DOCK8: variants seen among roughly 807,000 people sequenced by gnomAD.
The protein encoded by DOCK8 is dedicator of cytokinesis protein 8.
DOCK8 carries 141 observed loss-of-function variants against 245.6 expected under a neutral mutation model. The ratio of observed to expected loss-of-function variants is 0.57; its 90% CI spans 0.50 to 0.66. The LOEUF is 0.66. Among genes scored for constraint, DOCK8 ranks in the 30% least tolerant of loss-of-function variants. DOCK8 has a pLI of 0.00. For synonymous variants in DOCK8, 1,168 were observed against 970.2 expected (o/e 1.20, Z -3.79); for missense variants, 2,965 against 2,603.4 (o/e 1.14, Z -3.02).
intron 7 of DOCK8, among the ~76,000 whole-genome samples, chr9:323,432 A>G (rs1307450622): frequency 6.6e-6 from 1 of 151,992 alleles, no homozygotes; most frequent in African/African-American, 2.4e-5. Context: ...CGTGTTGGCC[A>G]GGCTGGTCTT....
At chr9:381,577 G>T (rs2053721833) in intron 21 of DOCK8, among the ~76,000 whole-genome samples, 1 of 152,162 alleles carries the variant, frequency 6.6e-6, no homozygotes, top group African/African-American at 2.4e-5. Flanking sequence ...TCACAAAATT[G>T]CAGGCCCAAA....
chr9:432,328 C>CATGT lies in DOCK8; in HGVS notation c.4785+5_4785+6insTGTA. Reference sequence around the variant, plus strand: ...GATGACTCCTTTTCCCACCCAGGTACACCGAAGCACATACCTTGTCTCATG... The same window carrying CATGT: ...GATGACTCCTTTTCCCACCCAGGTACATGTACCGAAGCACATACCTTGTCTCATG... On this transcript the variant is annotated splice_donor_region_variant and intron_variant, in intron 37 of 47. Coordinates refer to ENST00000432829, the MANE Select transcript of DOCK8 (RefSeq NM_203447.4). 6.2e-7 allele frequency: 1 copy of CATGT among 1,614,044 alleles called. No individual in the cohort carries two copies. The highest frequency in any genetic ancestry group is 1.1e-5 in the South Asian group (1 of 91,082).
intron 2 of DOCK8, among the ~76,000 whole-genome samples, chr9:273,957 A>G (rs764547672): frequency 1.2e-4 from 19 of 152,078 alleles, no homozygotes; most frequent in Non-Finnish European, 2.5e-4. Flanking sequence ...CCGCCCGCCT[A>G]GGCCTCCCAA....
intron 1 of DOCK8, among the ~76,000 whole-genome samples, chr9:258,497 T>C (rs1482680525): frequency 6.6e-6 from 1 of 151,890 alleles, no homozygotes; most frequent in Non-Finnish European, 1.5e-5. Context: ...AGGGAGTGGG[T>C]GCAAGAGCTC....
chr9:398,814 C>G (rs1233196027), intron 25 of DOCK8, among the ~76,000 whole-genome samples: 1 of 129,470 alleles, frequency 7.7e-6, no homozygotes, highest in African/African-American at 2.9e-5. Flanking sequence ...AAAATAGTTA[C>G]AAAAAAAAAA....
At chr9:281,386 C>G (rs1311616458) in intron 2 of DOCK8, among the ~76,000 whole-genome samples, 1 of 152,106 alleles carries the variant, frequency 6.6e-6, no homozygotes, top group Non-Finnish European at 1.5e-5. Context: ...TTAAACTAGT[C>G]TTTGGTCTCC....
intron 18 of DOCK8, 46 bp downstream of exon 18, chr9:372,332 C>T (rs996313453): frequency 6.9e-7 from 1 of 1,445,144 alleles, no homozygotes; most frequent in Non-Finnish European, 9.7e-7. Context: ...CAGCTGTAGT[C>T]TTGGACCACC....
chr9:416,236 G>A (rs537322015), intron 29 of DOCK8, among the ~76,000 whole-genome samples: 3 of 152,298 alleles, frequency 2.0e-5, no homozygotes, highest in Admixed American at 1.3e-4. Context: ...GCCTGATTGC[G>A]CGGAATTGAA....
At chr9:302,324 T>C (rs476324) in intron 4 of DOCK8, among the ~76,000 whole-genome samples, 136,760 of 152,292 alleles carry the variant, frequency 0.9, 61,455 homozygotes, top group Admixed American at 0.92. Context: ...GGACCCCTCC[T>C]TTTAATCATA....
At chr9:313,695 C>G (rs1403090777) in intron 6 of DOCK8, among the ~76,000 whole-genome samples, 1 of 152,042 alleles carries the variant, frequency 6.6e-6, no homozygotes, top group Non-Finnish European at 1.5e-5. Context: ...TGCACAGTGA[C>G]CAGAGTTAAT....
chr9:354,046 T>C (rs1010899028), intron 14 of DOCK8, among the ~76,000 whole-genome samples: 1 of 152,232 alleles, frequency 6.6e-6, no homozygotes, highest in Non-Finnish European at 1.5e-5. Flanking sequence ...AAGAATATTT[T>C]TGTGGCCGGG....
rs150999454 is a variant in DOCK8, at chr9:387,603, A to G, written c.2874+1177A>G. ...CTTTGGACTGGATGAGGGAAAGACC[A>G]AGTGTGGGAGGGCCGGGGCCTGGTG... On this transcript the variant is annotated intron_variant, in intron 23 of 47. Transcript: ENST00000432829. Among the ~76,000 whole-genome samples the G allele has an allele frequency of 5.8e-3, 885 of 152,356 alleles. 9 individuals are homozygous for G. Among genetic ancestry groups the G allele is most frequent in the African/African-American group, 0.021 (857 of 41,584 alleles).
intron 28 of DOCK8, 116 bp downstream of exon 28, chr9:407,185 C>T (rs1267179823): frequency 6.8e-7 from 1 of 1,461,744 alleles, no homozygotes; most frequent in Non-Finnish European, 9.4e-7. Context: ...TTGACCAGTT[C>T]TGAGGAGTAG....
chr9:302,993 A>AG (rs895171948), intron 4 of DOCK8, among the ~76,000 whole-genome samples: 1 of 151,822 alleles, frequency 6.6e-6, no homozygotes, highest in Non-Finnish European at 1.5e-5. Flanking sequence ...GAAAAAAAAA[A>AG]AGAAAAAGAA....
At chr9:317,009 A>T in intron 6 of DOCK8, 34 bp from the exon 7 acceptor site, 1 of 1,536,896 alleles carries the variant, frequency 6.5e-7, no homozygotes, top group Non-Finnish European at 9.0e-7. Flanking sequence ...CACAGAATTC[A>T]CTAATGATTT....
intron 4 of DOCK8, among the ~76,000 whole-genome samples, chr9:292,387 CAAAAAAAAAA>C (rs5895837): frequency 3.2e-5 from 2 of 63,070 alleles, no homozygotes; most frequent in Non-Finnish European, 5.2e-5. Flanking sequence ...AACTCCGTCT[CAAAAAAAAAA>C]AAAAAAAAAA....
At chr9:214,234 C>A, upstream of DOCK8, 1 of 442,196 alleles carries the variant, frequency 2.3e-6, no homozygotes, top group Non-Finnish European at 4.0e-6. Flanking sequence ...TGAAATAAAC[C>A]TGGACGCAGC....
At chr9:363,878 G>A (rs1464156811) in intron 14 of DOCK8, among the ~76,000 whole-genome samples, 1 of 152,176 alleles carries the variant, frequency 6.6e-6, no homozygotes, top group East Asian at 1.9e-4. Flanking sequence ...GTATTGGAGT[G>A]TAAGAGACAA....
chr9:400,920 CCAT>C (rs1564016349), intron 26 of DOCK8, among the ~76,000 whole-genome samples: 5 of 116,568 alleles, frequency 4.3e-5, no homozygotes, highest in Non-Finnish European at 8.9e-5. Flanking sequence ...AGCTCCTTCA[CCAT>C]CACCACAACA....
Sources: allele counts gnomAD v4.1 joint callset (sites outside exome capture counted in the v4.1 genomes callset), GRCh38; gene constraint gnomAD v4.1.1; transcripts MANE v1.5; gene names NCBI Gene and HGNC (gene_info 2026-07-23, HGNC 2026-07-21).